CDC42SE2: variants seen among roughly 807,000 people sequenced by gnomAD.
CDC42SE2 encodes CDC42 small effector protein 2.
A neutral mutation model predicts 11.5 loss-of-function variants in CDC42SE2; 3 were observed. The observed-to-expected ratio is 0.26, with a 90% CI of 0.12 to 0.67. The LOEUF (loss-of-function observed/expected upper bound fraction) is 0.67, where lower values mean the gene tolerates loss of function less well. Among genes scored for constraint, CDC42SE2 ranks in the 30% least tolerant of loss-of-function variants. The pLI is 0.80. For synonymous variants in CDC42SE2, 33 were observed against 34.8 expected (o/e 0.95, Z 0.18); for missense variants, 82 against 106.8 (o/e 0.77, Z 1.02).
At chr5:131,291,162 C>T (rs914694036) in intron 1 of CDC42SE2, among the ~76,000 whole-genome samples, 7 of 152,012 alleles carry the variant, frequency 4.6e-5, no homozygotes, top group Non-Finnish European at 1.0e-4. Context: ...GTCAAATTGT[C>T]ATATCTTAAT....
intron 1 of CDC42SE2, among the ~76,000 whole-genome samples, chr5:131,306,429 C>G (rs896779057): frequency 2.0e-5 from 3 of 152,064 alleles, no homozygotes; most frequent in African/African-American, 4.8e-5. Context: ...TATTTCTGGG[C>G]TTTCTATCCT....
chr5:131,312,411 C>T (rs1190336655), intron 1 of CDC42SE2, among the ~76,000 whole-genome samples: 1 of 152,102 alleles, frequency 6.6e-6, no homozygotes, highest in Non-Finnish European at 1.5e-5. Context: ...GTGCCCTGCC[C>T]CAAGAGGTGG....
At chr5:131,312,600 G>A (rs1231790149) in intron 1 of CDC42SE2, among the ~76,000 whole-genome samples, 1 of 152,208 alleles carries the variant, frequency 6.6e-6, no homozygotes, top group Non-Finnish European at 1.5e-5. Flanking sequence ...ATACTCCGTG[G>A]GCGTAGGACC....
At chr5:131,337,918 G>C (rs1758614672) in intron 2 of CDC42SE2, among the ~76,000 whole-genome samples, 1 of 152,194 alleles carries the variant, frequency 6.6e-6, no homozygotes, top group Non-Finnish European at 1.5e-5. Flanking sequence ...TGCACTTCCG[G>C]GGTGAGGCGA....
intron 1 of CDC42SE2, among the ~76,000 whole-genome samples, chr5:131,274,763 T>A (rs1757067882): frequency 6.6e-6 from 1 of 152,178 alleles, no homozygotes; most frequent in Non-Finnish European, 1.5e-5. Context: ...CATATAGACC[T>A]CCCTGAGGTC....
the CDC42SE2 span, among the ~76,000 whole-genome samples, chr5:131,212,803 G>T: frequency 6.6e-6 from 1 of 152,154 alleles, no homozygotes; most frequent in Non-Finnish European, 1.5e-5. Context: ...GGACACGGAG[G>T]TCAGATTGAA....
At chr5:131,311,735 C>T (rs569195539) in intron 1 of CDC42SE2, among the ~76,000 whole-genome samples, 125 of 152,284 alleles carry the variant, frequency 8.2e-4, no homozygotes, top group South Asian at 3.9e-3. Context: ...TTGATCACAT[C>T]GGCTCCTGAG....
chr5:131,347,894 A>G (rs1029026246), intron 2 of CDC42SE2, among the ~76,000 whole-genome samples: 8 of 152,238 alleles, frequency 5.3e-5, no homozygotes, highest in Non-Finnish European at 1.5e-5. Context: ...ACCAAAGACA[A>G]AAACATGATT....
At chr5:131,242,002 A>C (rs1401886037), upstream of CDC42SE2, among the ~76,000 whole-genome samples, 4 of 152,240 alleles carry the variant, frequency 2.6e-5, no homozygotes, top group African/African-American at 9.6e-5. Context: ...AAATTCAATA[A>C]GCATTTGTTG....
intron 3 of CDC42SE2, among the ~76,000 whole-genome samples, chr5:131,367,497 TA>T (rs1749894876): frequency 6.6e-6 from 1 of 152,188 alleles, no homozygotes. Flanking sequence ...ACATCTTCAT[TA>T]ATGCTTGTTT....
chr5:131,240,489 G>A, the CDC42SE2 span, among the ~76,000 whole-genome samples: 1 of 152,152 alleles, frequency 6.6e-6, no homozygotes, highest in Non-Finnish European at 1.5e-5. Flanking sequence ...ACTTAAGCAA[G>A]TTTCTTTGTT....
intron 4 of CDC42SE2, among the ~76,000 whole-genome samples, chr5:131,387,481 G>C (rs948398906): frequency 3.3e-5 from 5 of 152,134 alleles, no homozygotes; most frequent in Admixed American, 6.5e-5. Context: ...AACCTGGGAG[G>C]GGGGAGGTTG....
the CDC42SE2 span, among the ~76,000 whole-genome samples, chr5:131,232,658 C>G: frequency 2.1e-5 from 3 of 141,934 alleles, no homozygotes; most frequent in Admixed American, 2.3e-4. Flanking sequence ...TGCTTAAACA[C>G]AGGAGGCGGA....
chr5:131,239,863 A>G, the CDC42SE2 span, among the ~76,000 whole-genome samples: 1 of 152,110 alleles, frequency 6.6e-6, no homozygotes, highest in African/African-American at 2.4e-5. Flanking sequence ...AGCTTCCTTG[A>G]CTCTTATCTG....
At chr5:131,243,078 C>A (rs770199874), upstream of CDC42SE2, among the ~76,000 whole-genome samples, 1 of 152,164 alleles carries the variant, frequency 6.6e-6, no homozygotes, top group Non-Finnish European at 1.5e-5. Flanking sequence ...AAAATGAAAT[C>A]TTTGAGTAAT....
At chr5:131,237,169 C>T in the CDC42SE2 span, among the ~76,000 whole-genome samples, 1 of 152,102 alleles carries the variant, frequency 6.6e-6, no homozygotes, top group African/African-American at 2.4e-5. Flanking sequence ...TTGTTTTTTG[C>T]ATCCCACTCT....
At chr5:131,215,455 G>A in the CDC42SE2 span, among the ~76,000 whole-genome samples, 1 of 152,194 alleles carries the variant, frequency 6.6e-6, no homozygotes, top group Non-Finnish European at 1.5e-5. Flanking sequence ...GGAATGCTAT[G>A]AGCAGTCTAG....
At chr5:131,311,450 T>C (rs1757911707) in intron 1 of CDC42SE2, among the ~76,000 whole-genome samples, 1 of 151,542 alleles carries the variant, frequency 6.6e-6, no homozygotes, top group African/African-American at 2.4e-5. Context: ...GGAGTATCTT[T>C]GTGGCGTTCT....
chr5:131,269,766 A>G (rs903542738), intron 1 of CDC42SE2, among the ~76,000 whole-genome samples: 9 of 152,008 alleles, frequency 5.9e-5, no homozygotes, highest in Middle Eastern at 3.4e-3. Flanking sequence ...TCCATCTCAA[A>G]AAAAACAAAA....
Sources: gnomAD v4.1 joint callset for allele counts (sites outside exome capture counted in the v4.1 genomes callset) on GRCh38, gnomAD v4.1.1 for gene constraint, MANE v1.5 for transcripts, NCBI Gene and HGNC (gene_info 2026-07-23, HGNC 2026-07-21) for gene names.